The following SPTBN2 variants were observed in gnomAD, a reference collection of about 807,000 sequenced individuals.
The protein encoded by SPTBN2 is spectrin beta, non-erythrocytic 2.
Under a neutral mutation model 284.2 loss-of-function variants are expected in SPTBN2, and 107 were observed. The ratio of observed to expected loss-of-function variants is 0.38; its 90% confidence interval spans 0.32 to 0.44. SPTBN2 has a LOEUF of 0.44. Ranked by LOEUF, SPTBN2 falls within the 20% of genes least tolerant of loss-of-function variation. The probability of loss-of-function intolerance (pLI) is 1.00; values close to 1 mark genes in which losing one functional copy is unlikely to be tolerated. For synonymous variants in SPTBN2, 1,289 were observed against 1,354.8 expected, an observed-to-expected ratio of 0.95 and a Z score of 1.07; for missense variants, 2,569 against 3,287.1, an observed-to-expected ratio of 0.78 and a Z score of 5.34.
chr11:66,721,491 A>C (rs972596664), intron 1 of SPTBN2, 51 bp from the exon 2 acceptor site: 1 of 552,536 alleles, frequency 1.8e-6, no homozygotes. Context: ...GGAAGGCAGC[A>C]GCAGCTCAGA....
rs1590910822 is a variant in SPTBN2, at chr11:66,689,054, CCCCCACT to C, written c.6034+35_6034+41del. The C allele has an allele frequency of 1.9e-6, 3 of 1,569,228 alleles. No homozygotes were observed. In the East Asian group the frequency reaches 6.9e-5, roughly 36 times the overall value. Reference sequence around the variant, plus strand: ...CTGGAACCCACAGGGTGCAGGATGCCCCCCACTCCCCACAGGGCCTGGGGCCCCCTTG... The same window carrying C: ...CTGGAACCCACAGGGTGCAGGATGCCCCCCACAGGGCCTGGGGCCCCCTTG... On this transcript the variant is annotated intron_variant, in intron 30 of 37. Transcript: ENST00000533211.
At position 66,715,150 on chromosome 11, in the gene SPTBN2, G is replaced by A. The variant is rs529792413; in HGVS notation, c.483+72C>T. 6.3e-7 allele frequency: 1 copy of A among 1,590,918 alleles called. No homozygotes were observed. Among genetic ancestry groups the A allele is most frequent in the East Asian group, 2.2e-5 (1 of 44,664 alleles). ...CCATCTTTGTGTTTGTTGTGTCATG[G>A]GCCAGCAGGAACGGCTTGCGGTGCA... is the stretch of plus-strand genomic sequence containing the variant. On this transcript the variant is annotated intron_variant, in intron 5 of 37. Transcript: ENST00000533211. The surrounding 1 kb of genome is among the most constrained non-coding windows in gnomAD (Gnocchi z 5.3).
chr11:66,688,127 G>A, intron 32 of SPTBN2, 42 bp downstream of exon 32: 1 of 1,613,562 alleles, frequency 6.2e-7, no homozygotes, highest in Non-Finnish European at 8.5e-7. Context: ...TGGGTGGCCT[G>A]GGCTCAGCCG....
In SPTBN2 at chr11:66,688,236, G is replaced by C. The variant is rs758328467; in HGVS notation, c.6307C>G (p.Pro2103Ala). 6.2e-7 allele frequency: 1 copy of C among 1,613,664 alleles called. No homozygotes were observed. Among genetic ancestry groups the C allele is most frequent in the Non-Finnish European group, 8.5e-7 (1 of 1,179,990 alleles). ...TCCCCTGGAGGCACACTGGCTGTGG[G>C]TTCGGGAGCAGGCGGCTGTTTCCGC... ...ERRKQPPAPE[P>A]TASVPPGDLV... The change falls in exon 32 of 38, where the codon CCC (proline) becomes GCC (alanine). Residue 2103 changes from proline (P) to alanine (A), a missense_variant. Coordinates refer to ENST00000533211, the MANE Select transcript of SPTBN2 (RefSeq NM_006946.4).
chr11:66,690,373 C>T (rs1940461150), intron 27 of SPTBN2, 90 bp from the exon 28 acceptor site: 3 of 1,448,402 alleles, frequency 2.1e-6, no homozygotes. Flanking sequence ...TCACCTCCTG[C>T]CTGTCTCACA....
chr11:66,701,384 T>C lies in SPTBN2; in HGVS notation c.2817-102A>G, dbSNP rs999571050. Reference sequence around the variant, plus strand: ...TTGGTAGCTCCCCTTCACTCCTCCCTTTCTGGCCAGCAGCCGCTTCAGACC... The same window carrying C: ...TTGGTAGCTCCCCTTCACTCCTCCCCTTCTGGCCAGCAGCCGCTTCAGACC... On this transcript the variant is annotated intron_variant, in intron 16 of 37. Coordinates refer to ENST00000533211, the MANE Select transcript of SPTBN2 (RefSeq NM_006946.4). The C allele has an allele frequency of 9.7e-6, 15 of 1,544,996 alleles. No homozygotes were observed. The African/African-American group carries it at 2.0e-4, about 21-fold the overall frequency.
Position 66,691,966 on chromosome 11 carries a change from G to A in SPTBN2, c.5191-308C>T, listed in dbSNP as rs1356806663. 6.6e-6 allele frequency among the ~76,000 whole-genome samples: 1 copy of A among 151,534 alleles called. No individual in the cohort carries two copies. Among genetic ancestry groups the A allele is most frequent in the Non-Finnish European group, 1.5e-5 (1 of 67,994 alleles). ...TGAGGGTCCAAGCCCCCAAACTGTC[G>A]GGGGGGTGGATCATACTCCGTTTTG... On this transcript the variant is annotated intron_variant, in intron 26 of 37. Coordinates refer to ENST00000533211, the MANE Select transcript of SPTBN2 (RefSeq NM_006946.4). This position sits in a 1 kb window ranked among gnomAD's most constrained non-coding sequence, Gnocchi z 8.0.
At chr11:66,705,527 C>T in intron 14 of SPTBN2, 59 bp from the exon 15 acceptor site, 1 of 1,610,216 alleles carries the variant, frequency 6.2e-7, no homozygotes, top group South Asian at 1.1e-5. Flanking sequence ...TGCTCCCTGC[C>T]ACCACACTCT....
chr11:66,714,479 AATGG>A, intron 5 of SPTBN2, 72 bp from the exon 6 acceptor site: 1 of 1,335,710 alleles, frequency 7.5e-7, no homozygotes, highest in Non-Finnish European at 1.1e-6. Context: ...TGCTCAGATA[AATGG>A]CAGGAAACTG....
chr11:66,737,935 C>A (rs1428257017), intron 1 of SPTBN2, among the ~76,000 whole-genome samples: 1 of 152,126 alleles, frequency 6.6e-6, no homozygotes, highest in African/African-American at 2.4e-5. Flanking sequence ...CTAATTTAGG[C>A]CGGGTACGGT....
chr11:66,700,680 C>A lies in SPTBN2; in HGVS notation c.3419G>T (p.Cys1140Phe). The change falls in exon 17 of 38, where the codon TGC becomes TTC. Residue 1140 changes from cysteine (C) to phenylalanine (F), a missense_variant. Coordinates refer to ENST00000533211, the MANE Select transcript of SPTBN2 (RefSeq NM_006946.4). The surrounding 1 kb of genome is among the most constrained non-coding windows in gnomAD (Gnocchi z 6.6). ...CTCCAGTCGCTGTCGTAGGAAGAGG[C>A]ACTGGGGGTCAGCCTGGTCCCGGGT... The part of the protein sequence containing the change: ...EVTRDQADPQ[C>F]LFLRQRLEAL... The A allele has an allele frequency of 6.2e-7, 1 of 1,606,354 alleles. No individual in the cohort carries two copies. The highest frequency in any genetic ancestry group is 8.5e-7 in the Non-Finnish European group (1 of 1,179,896).
intron 15 of SPTBN2, among the ~76,000 whole-genome samples, chr11:66,703,137 G>C (rs1941339491): frequency 6.6e-6 from 1 of 151,554 alleles, no homozygotes; most frequent in Non-Finnish European, 1.5e-5. Context: ...TTGGAGTGCA[G>C]TGGCACGATC....
chr11:66,687,968 G>A lies in SPTBN2; in HGVS notation c.6450+36C>T, dbSNP rs772808361. 26 of 1,614,040 alleles carry A rather than the reference G, an allele frequency of 1.6e-5. 1 individual carries two copies. The highest frequency in any genetic ancestry group is 9.9e-5 in the South Asian group (9 of 91,088). Reference sequence around the variant, plus strand: ...GGATGTGCGGGGGTGGAGGGGCTACGACTCCGATGGGGGCACAGAGGGACA... The same window carrying A: ...GGATGTGCGGGGGTGGAGGGGCTACAACTCCGATGGGGGCACAGAGGGACA... On this transcript the variant is annotated intron_variant, in intron 33 of 37. Coordinates refer to ENST00000533211, the MANE Select transcript of SPTBN2 (RefSeq NM_006946.4). The surrounding 1 kb of genome is among the most constrained non-coding windows in gnomAD (Gnocchi z 5.2).
chr11:66,692,977 G>A lies in SPTBN2; in HGVS notation c.4978C>T (p.Pro1660Ser), dbSNP rs1351188944. 3 of 1,605,698 alleles carry A rather than the reference G, an allele frequency of 1.9e-6. No homozygotes were observed. The highest frequency in any genetic ancestry group is 1.7e-5 in the Admixed American group (1 of 60,032). The change falls in exon 25 of 38, where the codon CCA becomes TCA. Residue 1660 changes from proline to serine, a missense_variant. Physicochemically the swap from Pro to Ser is moderately conservative, Grantham distance 74 (BLOSUM62 -1). This residue lies in a region of SPTBN2 where 1,130 missense variants were observed against 1,317.3 expected (regional missense o/e 0.86). Coordinates refer to ENST00000533211, the MANE Select transcript of SPTBN2 (RefSeq NM_006946.4). ...GGCTGCCGCTGCACCCACCTCTCTGGGTGCTCGTGGTCAATCATGTCCTGG... is the reference window on the plus strand; with the variant it reads ...GGCTGCCGCTGCACCCACCTCTCTGAGTGCTCGTGGTCAATCATGTCCTGG... ...SSQDMIDHEH[P>S]ESTRISIRQA...
chr11:66,688,621 G>A (rs767205814), intron 31 of SPTBN2, 32 bp downstream of exon 31: 8 of 1,612,792 alleles, frequency 5.0e-6, no homozygotes, highest in Non-Finnish European at 6.8e-6. Context: ...GGAGCAGGTT[G>A]GAGTGGGCAT....
Position 66,688,016 on chromosome 11 carries a change from T to A in SPTBN2, c.6438A>T (p.Gly2146=). 6.2e-7 allele frequency: 1 copy of A among 1,614,200 alleles called. No homozygotes were observed. Among genetic ancestry groups the A allele is most frequent in the Non-Finnish European group, 8.5e-7 (1 of 1,180,040 alleles). ...APSVNGVCTD[G]EPSQPLLGQQ... ...ACAGTGGGGTCACCTGTGAGGGCTC[T>A]CCATCTGTGCAGACTCCATTAACAC... is the stretch of plus-strand genomic sequence containing the variant. Residue 2146 remains glycine, a synonymous_variant, in exon 33 of 38, where the codon GGA becomes GGT. Coordinates refer to ENST00000533211, the MANE Select transcript of SPTBN2 (RefSeq NM_006946.4).
At position 66,700,669 on chromosome 11, in the gene SPTBN2, G is replaced by A. The variant is rs1402216317; in HGVS notation, c.3430C>T (p.Arg1144Ter). 5.0e-6 allele frequency: 8 copies of A among 1,606,958 alleles called. No individual in the cohort carries two copies. Among genetic ancestry groups the A allele is most frequent in the South Asian group, 1.1e-5 (1 of 91,078 alleles). The stretch of plus-strand genomic sequence containing the variant: ...GTTCCCAGGGCCTCCAGTCGCTGTC[G>A]TAGGAAGAGGCACTGGGGGTCAGCC... ...DQADPQCLFL[R>*]QRLEALGTGW... The change falls in exon 17 of 38, where the codon CGA (arginine) becomes TGA (stop). Residue 1144 changes from arginine to a stop codon, truncating the protein, a stop_gained. Transcript: ENST00000533211. LOFTEE classifies it high-confidence loss of function. The surrounding 1 kb of genome is among the most constrained non-coding windows in gnomAD (Gnocchi z 6.6).
chr11:66,708,348 C>T lies in SPTBN2; in HGVS notation c.1192-49G>A. On this transcript the variant is annotated intron_variant, in intron 11 of 37. Coordinates refer to ENST00000533211, the MANE Select transcript of SPTBN2 (RefSeq NM_006946.4). This position sits in a 1 kb window ranked among gnomAD's most constrained non-coding sequence, Gnocchi z 4.4. ...TGGAAGGGACAGGGTGGGGAGGGCT[C>T]AGTGGGGCTGGAGGCACATGGTAAG... 2 of 1,510,112 alleles carry T rather than the reference C, an allele frequency of 1.3e-6. No homozygotes were observed. The highest frequency in any genetic ancestry group is 1.3e-5 in the South Asian group (1 of 76,754). 93.5% of individuals were successfully genotyped at this position (1,510,112 alleles called of 1,614,324 possible).
rs764425627 is a variant in SPTBN2, at chr11:66,688,199, C to G, written c.6344G>C (p.Gly2115Ala). The G allele has an allele frequency of 6.2e-7, 1 of 1,613,456 alleles. No homozygotes were observed. The highest frequency in any genetic ancestry group is 8.5e-7 in the Non-Finnish European group (1 of 1,180,038). Reference sequence around the variant, plus strand: ...CCAGGTGGTGTCAGAAGCTGTCTGGCCGCCCACCAGGTCCCCTGGAGGCAC... The same window carrying G: ...CCAGGTGGTGTCAGAAGCTGTCTGGGCGCCCACCAGGTCCCCTGGAGGCAC... ...ASVPPGDLVG[G>A]QTASDTTWDG... is the part of the protein sequence containing the mutation. Residue 2115 changes from glycine to alanine, a missense_variant, in exon 32 of 38, where the codon GGC becomes GCC. Physicochemically the swap from Gly to Ala is moderately conservative, Grantham distance 60 (BLOSUM62 0). Coordinates refer to ENST00000533211, the MANE Select transcript of SPTBN2 (RefSeq NM_006946.4).
Sources: gnomAD v4.1 joint callset for allele counts (sites outside exome capture counted in the v4.1 genomes callset) on GRCh38, gnomAD v4.1.1 for gene constraint, gnomAD v4.1.1 regional missense constraint, Gnocchi (gnomAD v3.1) non-coding constraint, MANE v1.5 for transcripts, NCBI Gene and HGNC (gene_info 2026-07-23, HGNC 2026-07-21) for gene names.